RAB8A: variants seen among roughly 807,000 people sequenced by gnomAD.
RAB8A encodes RAB8A, member RAS oncogene family, also known as ras-related protein Rab-8A.
RAB8A carries 5 observed loss-of-function variants against 29.2 expected under a neutral mutation model. That is an observed-to-expected ratio of 0.17 (90% CI 0.09 to 0.36). The LOEUF (loss-of-function observed/expected upper bound fraction) is 0.36. Ranked by LOEUF, RAB8A falls within the 10% of genes least tolerant of loss-of-function variation. The pLI, the probability that RAB8A is intolerant of heterozygous loss-of-function variation, is 1.00. For synonymous variants in RAB8A, 108 were observed against 99.9 expected (o/e 1.08, Z -0.49); for missense variants, 171 against 272.2 (o/e 0.63, Z 2.62).
chr19:16,118,977 CAG>C (rs1446775410), intron 2 of RAB8A, among the ~76,000 whole-genome samples: 1 of 152,122 alleles, frequency 6.6e-6, no homozygotes, highest in African/African-American at 2.4e-5. Flanking sequence ...GCCACTCGCA[CAG>C]AGTCACTGGC....
intron 1 of RAB8A, among the ~76,000 whole-genome samples, chr19:16,116,789 T>C (rs112988152): frequency 0.16 from 23,932 of 150,866 alleles, 2,040 homozygotes; most frequent in Non-Finnish European, 0.19. Context: ...GAGCCAAGAT[T>C]GCACCACTGC....
At chr19:16,128,126 T>C in intron 6 of RAB8A, 35 bp downstream of exon 6, 6 of 1,604,046 alleles carry the variant, frequency 3.7e-6, no homozygotes, top group Non-Finnish European at 5.1e-6. Flanking sequence ...ACATGGGGCC[T>C]GCAGGATCGG....
chr19:16,120,371 G>A (rs570065356), intron 2 of RAB8A, among the ~76,000 whole-genome samples: 2 of 148,942 alleles, frequency 1.3e-5, no homozygotes, highest in East Asian at 2.0e-4. Context: ...GGAGTGCAGT[G>A]GCATGATCTC....
At chr19:16,129,062 G>T (rs1348742333) in intron 6 of RAB8A, among the ~76,000 whole-genome samples, 1 of 152,186 alleles carries the variant, frequency 6.6e-6, no homozygotes, top group Non-Finnish European at 1.5e-5. Flanking sequence ...AGTGAAGCTT[G>T]TTTGGCCACA....
At chr19:16,130,728 G>A (rs1442045082) in intron 7 of RAB8A, among the ~76,000 whole-genome samples, 1 of 152,020 alleles carries the variant, frequency 6.6e-6, no homozygotes, top group East Asian at 1.9e-4. Context: ...ACAGCTCACT[G>A]CAGCCTTCAA....
chr19:16,125,518 A>C lies in RAB8A; in HGVS notation c.295A>C (p.Ile99Leu). ...DITNEKSFDN[I>L]RNWIRNIEEH... is the part of the protein sequence containing the mutation. ...CACCAACGAGAAGTCCTTCGACAAC[A>C]TCCGGAACTGGATTCGCAACATTGA... Residue 99 changes from isoleucine (I) to leucine (L), a missense_variant, in exon 4 of 8, where the codon ATC (isoleucine) becomes CTC (leucine). Transcript: ENST00000300935. The surrounding 1 kb of genome is among the most constrained non-coding windows in gnomAD (Gnocchi z 5.0). 1 of 1,613,980 alleles carries C rather than the reference A, an allele frequency of 6.2e-7. No individual in the cohort carries two copies. Among genetic ancestry groups the C allele is most frequent in the Non-Finnish European group, 8.5e-7 (1 of 1,179,926 alleles).
At chr19:16,123,604 C>G (rs565008909) in intron 3 of RAB8A, 1 of 152,114 alleles carries the variant, frequency 6.6e-6, no homozygotes, top group African/African-American at 2.4e-5. Context: ...AAGTATCCGT[C>G]GCTTAACTAC....
intron 1 of RAB8A, among the ~76,000 whole-genome samples, chr19:16,114,805 C>A (rs1336649179): frequency 7.5e-6 from 1 of 132,854 alleles, no homozygotes; most frequent in Non-Finnish European, 1.6e-5. Context: ...ACCCTAAGAT[C>A]CCTCCCTCCC....
intron 1 of RAB8A, among the ~76,000 whole-genome samples, chr19:16,115,288 CA>C (rs112395504): frequency 3.5e-4 from 50 of 142,990 alleles, no homozygotes; most frequent in Admixed American, 5.6e-4. Flanking sequence ...ACTCTGTCTC[CA>C]AAAAAAAAAA....
chr19:16,117,823 A>T (rs564973742), intron 1 of RAB8A, among the ~76,000 whole-genome samples: 1 of 152,290 alleles, frequency 6.6e-6, no homozygotes, highest in Non-Finnish European at 1.5e-5. Context: ...GACCATGTGC[A>T]TTGACGCATG....
chr19:16,113,379 C>T (rs2090832540), intron 1 of RAB8A, among the ~76,000 whole-genome samples: 1 of 151,486 alleles, frequency 6.6e-6, no homozygotes, highest in African/African-American at 2.4e-5. Flanking sequence ...TGCCCTCCTC[C>T]AGGAGCTATG....
At chr19:16,115,466 C>A (rs192198360) in intron 1 of RAB8A, among the ~76,000 whole-genome samples, 1 of 152,104 alleles carries the variant, frequency 6.6e-6, no homozygotes. Flanking sequence ...TGAACTTGGC[C>A]CTGTAGCTCC....
At chr19:16,128,128 C>A in intron 6 of RAB8A, 37 bp downstream of exon 6, 6 of 1,600,864 alleles carry the variant, frequency 3.7e-6, no homozygotes, top group Non-Finnish European at 5.1e-6. Flanking sequence ...ATGGGGCCTG[C>A]AGGATCGGCC....
rs1375026768 is a variant in RAB8A, at chr19:16,133,985, C to T, written c.*1681C>T. On this transcript the variant is annotated 3_prime_UTR_variant, in exon 8 of 8. Transcript: ENST00000300935. ...CCTGGCAGGTCCTTCTAGGGGCCCT[C>T]TCCTGGCTGGCTTTCCAGGGCATTC... 6.6e-6 allele frequency: 1 copy of T among 152,366 alleles called. No individual in the cohort carries two copies. The highest frequency in any genetic ancestry group is 2.4e-5 in the African/African-American group (1 of 41,458). 9.4% of individuals were successfully genotyped at this position (152,366 alleles called of 1,614,324 possible).
At chr19:16,112,157 G>T (rs2090826595) in intron 1 of RAB8A, 132 bp downstream of exon 1, 2 of 1,319,666 alleles carry the variant, frequency 1.5e-6, no homozygotes, top group Admixed American at 4.6e-5. Context: ...CCTAAAGGGA[G>T]AAGAGCAGTC....
Position 16,127,625 on chromosome 19 carries a change from A to T in RAB8A, c.414+99A>T, listed in dbSNP as rs972155634. ...TCCTCTGCCCCAGGGGCCTGAGACG[A>T]GTTGGTCACCCCAGTGGGGCACGTG... On this transcript the variant is annotated intron_variant, in intron 5 of 7. Coordinates refer to ENST00000300935, the MANE Select transcript of RAB8A (RefSeq NM_005370.5). The surrounding 1 kb of genome is among the most constrained non-coding windows in gnomAD (Gnocchi z 4.8). The T allele has an allele frequency of 1.0e-6, 1 of 987,696 alleles. No homozygotes were observed. 61.2% of individuals were successfully genotyped at this position (987,696 alleles called of 1,614,324 possible).
Position 16,125,004 on chromosome 19 carries a change from TGGGC to T in RAB8A, c.247-465_247-462del. Reference sequence around the variant, plus strand: ...GTGTGGATGTCGGGTCAGGACTTCCTGGGCTCAGTTGTGCCTGGTAGGTGGCTCA... The same window carrying T: ...GTGTGGATGTCGGGTCAGGACTTCCTTCAGTTGTGCCTGGTAGGTGGCTCA... On this transcript the variant is annotated intron_variant, in intron 3 of 7. Coordinates refer to ENST00000300935, the MANE Select transcript of RAB8A (RefSeq NM_005370.5). This position sits in a 1 kb window ranked among gnomAD's most constrained non-coding sequence, Gnocchi z 5.0. The T allele has an allele frequency of 5.5e-6, 1 of 180,454 alleles. No individual in the cohort carries two copies. Among genetic ancestry groups the T allele is most frequent in the Non-Finnish European group, 1.2e-5 (1 of 84,200 alleles). The allele number at this position is 180,454 out of a possible 1,614,324, so 11.2% of individuals were successfully genotyped here.
In RAB8A at chr19:16,121,106, G is replaced by A. The variant is rs566481068; in HGVS notation, c.186-644G>A. ...TAATTTTTGTATTTTTTGTAGGGAC[G>A]GGGTTTCACCAAGTTGGCCAGGCTG... On this transcript the variant is annotated intron_variant, in intron 2 of 7. Transcript: ENST00000300935. Among the ~76,000 whole-genome samples the A allele has an allele frequency of 3.3e-4, 50 of 151,074 alleles. 1 individual carries two copies. The East Asian group carries it at 6.1e-3, about 18-fold the overall frequency.
chr19:16,117,021 C>T (rs1299800022), intron 1 of RAB8A, among the ~76,000 whole-genome samples: 11 of 152,124 alleles, frequency 7.2e-5, no homozygotes, highest in Admixed American at 3.3e-4. Flanking sequence ...AATGGAATCT[C>T]ACACTAAGTG....
Sources: gnomAD v4.1 joint callset for allele counts (sites outside exome capture counted in the v4.1 genomes callset) on GRCh38, gnomAD v4.1.1 for gene constraint, Gnocchi (gnomAD v3.1) non-coding constraint, MANE v1.5 for transcripts, NCBI Gene and HGNC (gene_info 2026-07-23, HGNC 2026-07-21) for gene names.